The following ZMAT4 variants were observed in gnomAD, a reference collection of about 807,000 sequenced individuals.
The protein encoded by ZMAT4 is zinc finger matrin-type 4, also known as zinc finger matrin-type protein 4.
A neutral mutation model predicts 28.7 loss-of-function variants in ZMAT4; 17 were observed. The ratio of observed to expected loss-of-function variants is 0.59; its 90% CI spans 0.41 to 0.89. The LOEUF is 0.89. Ranked by LOEUF, ZMAT4 falls within the 40% of genes least tolerant of loss-of-function variation. The pLI, the probability that ZMAT4 is intolerant of heterozygous loss-of-function variation, is 0.00. For missense variants in ZMAT4, 240 were observed against 283.8 expected, an observed-to-expected ratio of 0.85 and a Z score of 1.11; for synonymous variants, 117 against 109.2, an observed-to-expected ratio of 1.07 and a Z score of -0.44.
chr8:40,883,975 G>A (rs1818366019), intron 1 of ZMAT4, among the ~76,000 whole-genome samples: 1 of 152,154 alleles, frequency 6.6e-6, no homozygotes, highest in South Asian at 2.1e-4. Flanking sequence ...AAAAGCTCAA[G>A]TGATAGCATC....
intron 2 of ZMAT4, among the ~76,000 whole-genome samples, chr8:40,809,640 G>A (rs1396521288): frequency 6.6e-6 from 1 of 152,094 alleles, no homozygotes; most frequent in African/African-American, 2.4e-5. Context: ...TGTTCTCATG[G>A]TTTATATGTT....
intron 2 of ZMAT4, among the ~76,000 whole-genome samples, chr8:40,816,809 C>T (rs1052584955): frequency 2.0e-5 from 3 of 152,152 alleles, no homozygotes; most frequent in Non-Finnish European, 4.4e-5. Flanking sequence ...AAAAAGAAGT[C>T]AGAATGCAAC....
At chr8:40,683,784 A>T (rs1809277987) in intron 4 of ZMAT4, among the ~76,000 whole-genome samples, 1 of 152,168 alleles carries the variant, frequency 6.6e-6, no homozygotes, top group African/African-American at 2.4e-5. Flanking sequence ...ATTATTTCAG[A>T]CCAGGCACAG....
intron 5 of ZMAT4, among the ~76,000 whole-genome samples, chr8:40,613,232 G>A (rs12164183): frequency 7.3e-6 from 1 of 137,020 alleles, no homozygotes; most frequent in Admixed American, 8.1e-5. Flanking sequence ...ACTCAGGCTG[G>A]AGTACAGCAG....
At chr8:40,694,046 A>G (rs1038735694) in intron 4 of ZMAT4, among the ~76,000 whole-genome samples, 1 of 152,162 alleles carries the variant, frequency 6.6e-6, no homozygotes, top group East Asian at 1.9e-4. Flanking sequence ...GATTCAGTTG[A>G]CTGGATTTTC....
chr8:40,681,135 T>C (rs1456817034), intron 4 of ZMAT4, among the ~76,000 whole-genome samples: 1 of 152,154 alleles, frequency 6.6e-6, no homozygotes, highest in Admixed American at 6.6e-5. Flanking sequence ...CCTTGATTAA[T>C]AAGCAGCAGA....
chr8:40,577,567 T>C (rs1804309998), intron 6 of ZMAT4, among the ~76,000 whole-genome samples: 1 of 152,068 alleles, frequency 6.6e-6, no homozygotes, highest in South Asian at 2.1e-4. Flanking sequence ...GATACAAAAT[T>C]CCACCTAGAT....
At chr8:40,883,721 C>A (rs1403804424) in intron 1 of ZMAT4, among the ~76,000 whole-genome samples, 1 of 152,172 alleles carries the variant, frequency 6.6e-6, no homozygotes, top group Non-Finnish European at 1.5e-5. Context: ...CCCCTAACTC[C>A]CCCTGAGCCC....
chr8:40,532,203 T>C lies in ZMAT4; in HGVS notation c.*20A>G, dbSNP rs1038649299. ...GAGAAATGCTAATGTTTTGTTCTTATGTCTTGATTGATGCTTTCACTACTT... is the reference window on the plus strand; with the variant it reads ...GAGAAATGCTAATGTTTTGTTCTTACGTCTTGATTGATGCTTTCACTACTT... On this transcript the variant is annotated 3_prime_UTR_variant, in exon 7 of 7. Transcript: ENST00000297737. The C allele has an allele frequency of 2.7e-5, 43 of 1,595,516 alleles. No individual in the cohort carries two copies. Among genetic ancestry groups the C allele is most frequent in the Non-Finnish European group, 3.6e-5 (42 of 1,170,920 alleles).
chr8:40,756,563 C>G (rs1011725620), intron 3 of ZMAT4, among the ~76,000 whole-genome samples: 1 of 149,360 alleles, frequency 6.7e-6, no homozygotes, highest in Non-Finnish European at 1.5e-5. Context: ...TAGGGGACTA[C>G]ATAAATTATG....
intron 1 of ZMAT4, among the ~76,000 whole-genome samples, chr8:40,887,331 A>C (rs2150668591): frequency 6.6e-6 from 1 of 151,442 alleles, no homozygotes; most frequent in Middle Eastern, 3.4e-3. Flanking sequence ...TCTACTAAAA[A>C]TACAAAAATT....
At chr8:40,714,921 C>A (rs1177807741) in intron 3 of ZMAT4, among the ~76,000 whole-genome samples, 2 of 151,652 alleles carry the variant, frequency 1.3e-5, no homozygotes, top group Non-Finnish European at 2.9e-5. Context: ...TGGTGGCACG[C>A]ACCTGCAATC....
intron 1 of ZMAT4, among the ~76,000 whole-genome samples, chr8:40,836,610 C>CAGAA (rs2150622604): frequency 6.6e-6 from 1 of 152,284 alleles, no homozygotes; most frequent in East Asian, 1.9e-4. Context: ...GAATTTGAAT[C>CAGAA]AGAAGATCAC....
At chr8:40,706,861 C>A (rs898311148) in intron 3 of ZMAT4, among the ~76,000 whole-genome samples, 2 of 152,178 alleles carry the variant, frequency 1.3e-5, no homozygotes, top group Admixed American at 6.5e-5. Context: ...TTCAGTCCCA[C>A]TGAAAGGTTT....
At chr8:40,649,261 C>A (rs945307373) in intron 5 of ZMAT4, among the ~76,000 whole-genome samples, 1 of 151,970 alleles carries the variant, frequency 6.6e-6, no homozygotes, top group African/African-American at 2.4e-5. Context: ...CAAAAAAAGG[C>A]AGGGGTTGCA....
At chr8:40,855,119 G>A (rs1452348289) in intron 1 of ZMAT4, among the ~76,000 whole-genome samples, 1 of 152,138 alleles carries the variant, frequency 6.6e-6, no homozygotes, top group African/African-American at 2.4e-5. Flanking sequence ...CCCGCTGTTT[G>A]TGTTCATTTC....
chr8:40,729,642 T>G (rs562929829), intron 3 of ZMAT4, among the ~76,000 whole-genome samples: 39 of 150,044 alleles, frequency 2.6e-4, no homozygotes, highest in Non-Finnish European at 5.2e-4. Context: ...GTCACCAGGC[T>G]GGAGTGCAGT....
chr8:40,692,736 G>A (rs958460358), intron 4 of ZMAT4, among the ~76,000 whole-genome samples: 3 of 152,140 alleles, frequency 2.0e-5, no homozygotes, highest in Non-Finnish European at 4.4e-5. Context: ...GGTGGAAAAT[G>A]GAGAATAACT....
intron 2 of ZMAT4, among the ~76,000 whole-genome samples, chr8:40,799,583 C>T (rs1277681192): frequency 2.6e-5 from 4 of 152,018 alleles, no homozygotes; most frequent in Admixed American, 6.5e-5. Context: ...AAATTTAAAA[C>T]AATTTTTAAA....
Sources: gnomAD v4.1 joint callset for allele counts (sites outside exome capture counted in the v4.1 genomes callset) on GRCh38, gnomAD v4.1.1 for gene constraint, MANE v1.5 for transcripts, NCBI Gene and HGNC (gene_info 2026-07-23, HGNC 2026-07-21) for gene names.